The following ZNF521 variants were observed in gnomAD, a reference collection of about 807,000 sequenced individuals.
The protein encoded by ZNF521 is zinc finger protein 521, also known as LYST-interacting protein 3.
Under a neutral mutation model 105.5 loss-of-function variants are expected in ZNF521, and 14 were observed. The observed-to-expected ratio is 0.13, with a 90% confidence interval of 0.09 to 0.21. ZNF521 has a LOEUF of 0.21. Ranked by LOEUF, ZNF521 falls within the 10% of genes least tolerant of loss-of-function variation. The probability of loss-of-function intolerance (pLI) is 1.00; values close to 1 mark genes in which losing one functional copy is unlikely to be tolerated. For synonymous variants in ZNF521, 635 were observed against 606.0 expected (o/e 1.05, Z -0.70); for missense variants, 1,233 against 1,629.7 (o/e 0.76, Z 4.19).
At chr18:25,129,836 C>T (rs976821802) in intron 5 of ZNF521, among the ~76,000 whole-genome samples, 5 of 152,124 alleles carry the variant, frequency 3.3e-5, no homozygotes, top group African/African-American at 9.7e-5. Context: ...ACTGACAAAA[C>T]CAAATGCTGG....
chr18:25,244,794 G>A (rs534620089), intron 3 of ZNF521, among the ~76,000 whole-genome samples: 1 of 152,234 alleles, frequency 6.6e-6, no homozygotes, highest in African/African-American at 2.4e-5. Context: ...AAGCACTGCT[G>A]TTAGGTTTCT....
chr18:25,199,233 AG>A (rs199906393), intron 4 of ZNF521, among the ~76,000 whole-genome samples: 5 of 101,820 alleles, frequency 4.9e-5, no homozygotes, highest in African/African-American at 1.2e-4. Flanking sequence ...TATTACTATG[AG>A]GGGGAAAAAA....
chr18:25,102,362 C>A (rs926565362), intron 5 of ZNF521, among the ~76,000 whole-genome samples: 2 of 151,758 alleles, frequency 1.3e-5, no homozygotes, highest in African/African-American at 4.8e-5. Flanking sequence ...TGAGGAGAAG[C>A]AAGCAACGAG....
At chr18:25,169,218 T>C (rs574486864) in intron 5 of ZNF521, among the ~76,000 whole-genome samples, 1 of 152,212 alleles carries the variant, frequency 6.6e-6, no homozygotes, top group Non-Finnish European at 1.5e-5. Context: ...AAAATACATA[T>C]ATTTTTGGAC....
At chr18:25,267,298 C>A (rs1909337131) in intron 3 of ZNF521, among the ~76,000 whole-genome samples, 2 of 152,128 alleles carry the variant, frequency 1.3e-5, no homozygotes, top group South Asian at 4.1e-4. Context: ...TAGATAAAAC[C>A]CCCATCTCCC....
intron 4 of ZNF521, among the ~76,000 whole-genome samples, chr18:25,217,869 AGTC>A (rs1169338902): frequency 1.3e-5 from 2 of 152,226 alleles, no homozygotes; most frequent in Non-Finnish European, 2.9e-5. Flanking sequence ...TGGGATGGAG[AGTC>A]AGGCTCATAG....
chr18:25,182,473 T>C (rs1238664548), intron 5 of ZNF521, among the ~76,000 whole-genome samples: 1 of 152,180 alleles, frequency 6.6e-6, no homozygotes, highest in Non-Finnish European at 1.5e-5. Flanking sequence ...ACATCAAGCA[T>C]TGCATATTAA....
At chr18:25,306,400 A>G (rs1008785003) in intron 3 of ZNF521, among the ~76,000 whole-genome samples, 1 of 151,946 alleles carries the variant, frequency 6.6e-6, no homozygotes, top group Admixed American at 6.6e-5. Context: ...TTTGGGGGGG[A>G]AAGGTGGGCA....
At chr18:25,121,383 G>T (rs1209798176) in intron 5 of ZNF521, among the ~76,000 whole-genome samples, 1 of 151,228 alleles carries the variant, frequency 6.6e-6, no homozygotes, top group Non-Finnish European at 1.5e-5. Flanking sequence ...GCCTCGAGCA[G>T]CTGTGACTAC....
chr18:25,306,806 G>A (rs1378905368), intron 3 of ZNF521, among the ~76,000 whole-genome samples: 4 of 150,642 alleles, frequency 2.7e-5, no homozygotes, highest in African/African-American at 9.8e-5. Context: ...AGTAAGGCTG[G>A]AGAGAAACTT....
intron 4 of ZNF521, among the ~76,000 whole-genome samples, chr18:25,207,881 A>C (rs1262060963): frequency 6.6e-6 from 1 of 152,192 alleles, no homozygotes; most frequent in East Asian, 1.9e-4. Flanking sequence ...CCAAATAAAA[A>C]AAGTCTAAGA....
intron 4 of ZNF521, among the ~76,000 whole-genome samples, chr18:25,215,303 A>G (rs1372544920): frequency 1.3e-5 from 2 of 152,218 alleles, no homozygotes; most frequent in Non-Finnish European, 2.9e-5. Context: ...GCTTTTGGCA[A>G]GATTCTTAAA....
At chr18:25,105,143 A>G (rs1490751716) in intron 5 of ZNF521, among the ~76,000 whole-genome samples, 2 of 152,160 alleles carry the variant, frequency 1.3e-5, no homozygotes, top group Non-Finnish European at 2.9e-5. Context: ...TCTACCAGAT[A>G]CTCACAATTC....
At chr18:25,324,019 T>C (rs892052611) in intron 2 of ZNF521, among the ~76,000 whole-genome samples, 2 of 152,172 alleles carry the variant, frequency 1.3e-5, no homozygotes, top group African/African-American at 2.4e-5. Flanking sequence ...CATTGGTAAT[T>C]TGGGCTGATT....
intron 3 of ZNF521, among the ~76,000 whole-genome samples, chr18:25,245,934 C>A (rs1401554371): frequency 2.0e-5 from 3 of 152,080 alleles, no homozygotes; most frequent in Non-Finnish European, 4.4e-5. Context: ...ATTGCTTGAG[C>A]CCACGAGTTT....
chr18:25,099,751 T>C (rs188163833), intron 5 of ZNF521, among the ~76,000 whole-genome samples: 10 of 152,326 alleles, frequency 6.6e-5, no homozygotes, highest in Admixed American at 2.6e-4. Context: ...TCTTGTTTGA[T>C]ATCAAATACC....
intron 3 of ZNF521, among the ~76,000 whole-genome samples, chr18:25,230,230 G>A (rs552724503): frequency 2.0e-5 from 3 of 152,162 alleles, no homozygotes; most frequent in Non-Finnish European, 2.9e-5. Context: ...TTGAGCAGAA[G>A]TAAATAGTTT....
intron 2 of ZNF521, among the ~76,000 whole-genome samples, chr18:25,324,962 T>C (rs1324055333): frequency 1.3e-5 from 2 of 152,262 alleles, no homozygotes; most frequent in Non-Finnish European, 2.9e-5. Flanking sequence ...ACTTCTGCAA[T>C]TGCAGATAGA....
At chr18:25,157,243 T>TA (rs112531976) in intron 5 of ZNF521, among the ~76,000 whole-genome samples, 2,387 of 152,044 alleles carry the variant, frequency 0.016, 61 homozygotes, top group African/African-American at 0.054. Flanking sequence ...TCACTAACAA[T>TA]AAAAAATTGA....
Sources: gnomAD v4.1 joint callset for allele counts (sites outside exome capture counted in the v4.1 genomes callset) on GRCh38, gnomAD v4.1.1 for gene constraint, MANE v1.5 for transcripts, NCBI Gene and HGNC (gene_info 2026-07-23, HGNC 2026-07-21) for gene names.